Variants in TMBIM4 observed in about 807,000 individuals in gnomAD.
The protein encoded by TMBIM4 is protein lifeguard 4.
Under a neutral mutation model 27.7 loss-of-function variants are expected in TMBIM4, and 28 were observed. That is an observed-to-expected ratio of 1.01 (90% CI 0.75 to 1.38). TMBIM4 has a LOEUF of 1.38. Among genes scored for constraint, TMBIM4 ranks in the 40% most tolerant of loss-of-function variants. The pLI is 0.00. For missense variants in TMBIM4, 265 were observed against 277.5 expected, an observed-to-expected ratio of 0.95 and a Z score of 0.32; for synonymous variants, 115 against 113.1, an observed-to-expected ratio of 1.02 and a Z score of -0.11.
chr12:66,149,102 A>G (rs17102171), intron 3 of TMBIM4, among the ~76,000 whole-genome samples: 1,763 of 152,246 alleles, frequency 0.012, 27 homozygotes, highest in African/African-American at 0.039. Context: ...TCACATTTTA[A>G]TGCTTTTAGT....
At chr12:66,138,863 G>A in intron 5 of TMBIM4, 94 bp from the exon 6 acceptor site, 2 of 1,339,970 alleles carry the variant, frequency 1.5e-6, no homozygotes, top group East Asian at 2.9e-5. Flanking sequence ...ACATCCATCT[G>A]GATTTTTTGC....
intron 1 of TMBIM4, among the ~76,000 whole-genome samples, chr12:66,167,587 T>A (rs2052152895): frequency 6.6e-6 from 1 of 152,158 alleles, no homozygotes; most frequent in Non-Finnish European, 1.5e-5. Flanking sequence ...ATTTTCATTT[T>A]AAAAAGAAAG....
chr12:66,166,683 T>A (rs1049664783), intron 1 of TMBIM4, among the ~76,000 whole-genome samples: 2 of 152,192 alleles, frequency 1.3e-5, no homozygotes, highest in Non-Finnish European at 2.9e-5. Context: ...GAACTCTCAT[T>A]CATTGCTGGT....
chr12:66,169,850 C>A lies in TMBIM4; in HGVS notation c.97+5G>T. The A allele has an allele frequency of 6.6e-7, 1 of 1,511,374 alleles. No individual in the cohort carries two copies. The highest frequency in any genetic ancestry group is 8.9e-7 in the Non-Finnish European group (1 of 1,129,754). The allele number at this position is 1,511,374 out of a possible 1,614,324, so 93.6% of individuals were successfully genotyped here. A position where few individuals can be genotyped will look rare whatever the true frequency, so the allele number is the denominator to read the frequency against. ...CTGGGAGGCACTGGAGAGGGGACAA[C>A]GTACCCATTCGGATGTGCACGGTGG... is the stretch of plus-strand genomic sequence containing the variant. On this transcript the variant is annotated splice_donor_5th_base_variant and intron_variant, in intron 1 of 6. Transcript: ENST00000358230.
intron 1 of TMBIM4, among the ~76,000 whole-genome samples, chr12:66,162,651 G>T (rs1232076214): frequency 6.6e-6 from 1 of 152,150 alleles, no homozygotes; most frequent in Admixed American, 6.5e-5. Context: ...TGCCAATGAA[G>T]GTTCTTGCAA....
intron 1 of TMBIM4, chr12:66,169,416 C>T (rs183826075): frequency 3.7e-4 from 201 of 537,202 alleles, no homozygotes; most frequent in Non-Finnish European, 6.0e-4. Context: ...TAAATATAAG[C>T]CTGTAACGCG....
At chr12:66,161,844 G>C (rs2052046071) in intron 1 of TMBIM4, among the ~76,000 whole-genome samples, 1 of 152,144 alleles carries the variant, frequency 6.6e-6, no homozygotes, top group Non-Finnish European at 1.5e-5. Flanking sequence ...ACAGCTCTTT[G>C]GGAGGCCAAC....
At chr12:66,163,353 C>T (rs1243865467) in intron 1 of TMBIM4, among the ~76,000 whole-genome samples, 1 of 152,104 alleles carries the variant, frequency 6.6e-6, no homozygotes, top group Non-Finnish European at 1.5e-5. Flanking sequence ...GTGTATTAGT[C>T]CATTCTCACA....
In TMBIM4 at chr12:66,147,902, G is replaced by A. The variant is rs766891773; in HGVS notation, c.346+6C>T. 6.8e-6 allele frequency: 11 copies of A among 1,610,040 alleles called. No homozygotes were observed. Among genetic ancestry groups the A allele is most frequent in the South Asian group, 1.1e-5 (1 of 90,304 alleles). ...TATAACATATAGAAATGCAGTTACGGCTTACCAACAACTGCCACAGTCAGA... is the reference window on the plus strand; with the variant it reads ...TATAACATATAGAAATGCAGTTACGACTTACCAACAACTGCCACAGTCAGA... On this transcript the variant is annotated splice_donor_region_variant and intron_variant, in intron 4 of 6. Transcript: ENST00000358230.
At chr12:66,141,454 A>G (rs1279751477) in intron 5 of TMBIM4, among the ~76,000 whole-genome samples, 1 of 152,126 alleles carries the variant, frequency 6.6e-6, no homozygotes, top group Admixed American at 6.5e-5. Context: ...TAATAAGCCA[A>G]TAAAGAAGAT....
chr12:66,145,224 G>C (rs2051732329), intron 5 of TMBIM4: 1 of 152,156 alleles, frequency 6.6e-6, no homozygotes, highest in Non-Finnish European at 1.5e-5. Flanking sequence ...AGAAAGTTTA[G>C]CAAGAGCAGA....
At chr12:66,150,559 C>T (rs1391439995) in intron 3 of TMBIM4, among the ~76,000 whole-genome samples, 1 of 151,766 alleles carries the variant, frequency 6.6e-6, no homozygotes, top group African/African-American at 2.4e-5. Flanking sequence ...ACTACAAGCA[C>T]GTGCCATAAC....
Position 66,148,779 on chromosome 12 carries a change from C to G in TMBIM4, c.313-838G>C, listed in dbSNP as rs548731603. 3.5e-4 allele frequency among the ~76,000 whole-genome samples: 53 copies of G among 152,286 alleles called. 1 individual carries two copies. Among genetic ancestry groups the G allele is most frequent in the African/African-American group, 1.2e-3 (51 of 41,560 alleles). ...ATTGTTATTTTGTCACTGTTTAAGT[C>G]AAGTCAGAAGTAGCTGAACCCATAT... On this transcript the variant is annotated intron_variant, in intron 3 of 6. Transcript: ENST00000358230.
chr12:66,157,086 T>G (rs1303993061), intron 1 of TMBIM4, among the ~76,000 whole-genome samples: 1 of 152,108 alleles, frequency 6.6e-6, no homozygotes, highest in Non-Finnish European at 1.5e-5. Flanking sequence ...ACAAATATAC[T>G]ATATATCTGT....
intron 1 of TMBIM4, among the ~76,000 whole-genome samples, chr12:66,166,071 G>A (rs1411222283): frequency 6.6e-6 from 1 of 151,994 alleles, no homozygotes; most frequent in Non-Finnish European, 1.5e-5. Context: ...TCTTTTTTGA[G>A]GTAATTTTTG....
At chr12:66,149,512 A>ATATTCTTGC in intron 3 of TMBIM4, among the ~76,000 whole-genome samples, 1 of 151,832 alleles carries the variant, frequency 6.6e-6, no homozygotes, top group Non-Finnish European at 1.5e-5. Context: ...TGATTATACT[A>ATATTCTTGC]TATTCTTGCT....
intron 1 of TMBIM4, among the ~76,000 whole-genome samples, chr12:66,156,373 C>A (rs1052903816): frequency 5.3e-5 from 8 of 152,140 alleles, no homozygotes; most frequent in African/African-American, 1.9e-4. Flanking sequence ...TCTTTGATTA[C>A]CCCCTCCCTG....
At chr12:66,161,430 A>AG (rs2052039347) in intron 1 of TMBIM4, among the ~76,000 whole-genome samples, 1 of 152,172 alleles carries the variant, frequency 6.6e-6, no homozygotes, top group South Asian at 2.1e-4. Context: ...AGATAGAGAC[A>AG]GGGTTTCACC....
At chr12:66,138,621 A>T (rs2051615919) in intron 6 of TMBIM4, 103 bp downstream of exon 6, 2 of 790,766 alleles carry the variant, frequency 2.5e-6, no homozygotes, top group Non-Finnish European at 3.9e-6. Flanking sequence ...GATAATTATA[A>T]CTAAGTGTCC....
Sources: gnomAD v4.1 joint callset for allele counts (sites outside exome capture counted in the v4.1 genomes callset) on GRCh38, gnomAD v4.1.1 for gene constraint, MANE v1.5 for transcripts, NCBI Gene and HGNC (gene_info 2026-07-23, HGNC 2026-07-21) for gene names.